Variants in FGF7 observed in about 807,000 individuals in gnomAD.
FGF7 encodes FGF-7.
A neutral mutation model predicts 20.5 loss-of-function variants in FGF7; 6 were observed. The observed-to-expected ratio is 0.29, with a 90% CI of 0.16 to 0.58. The LOEUF is 0.58. Among genes scored for constraint, FGF7 ranks in the 20% least tolerant of loss-of-function variants. The pLI, the probability that FGF7 is intolerant of heterozygous loss-of-function variation, is 0.90. For synonymous variants in FGF7, 64 were observed against 74.7 expected (o/e 0.86, Z 0.74); for missense variants, 144 against 228.8 (o/e 0.63, Z 2.39).
intron 3 of FGF7, 22 bp downstream of exon 3, chr15:49,483,276 G>A: frequency 8.0e-7 from 1 of 1,247,170 alleles, no homozygotes; most frequent in Non-Finnish European, 1.2e-6. Context: ...TGATAGCTTA[G>A]GCTTAATTTT....
At position 49,485,205 on chromosome 15, in the gene FGF7, G is replaced by T. The variant is rs2056305216; in HGVS notation, c.*701G>T. The T allele has an allele frequency of 6.6e-6, 1 of 152,246 alleles. No homozygotes were observed. The highest frequency in any genetic ancestry group is 2.4e-5 in the African/African-American group (1 of 41,354). The allele number at this position is 152,246 out of a possible 1,614,324, so 9.4% of individuals were successfully genotyped here. A position where few individuals can be genotyped will look rare whatever the true frequency, so the allele number is the denominator to read the frequency against. The stretch of plus-strand genomic sequence containing the variant: ...ATGTTTCCAAAAATCTTGTATATAA[G>T]ATAGCAACAGTGATTGATGATAATA... On this transcript the variant is annotated 3_prime_UTR_variant, in exon 4 of 4. Coordinates refer to ENST00000267843, the MANE Select transcript of FGF7 (RefSeq NM_002009.4).
At chr15:49,450,771 G>A (rs1473292985) in intron 2 of FGF7, among the ~76,000 whole-genome samples, 1 of 152,002 alleles carries the variant, frequency 6.6e-6, no homozygotes, top group Non-Finnish European at 1.5e-5. Context: ...TGTTATGATA[G>A]TTCATTTAAA....
At chr15:49,461,079 C>T (rs375372878) in intron 2 of FGF7, among the ~76,000 whole-genome samples, 320 of 152,182 alleles carry the variant, frequency 2.1e-3, no homozygotes, top group South Asian at 6.9e-3. Flanking sequence ...TAGTCTATTT[C>T]CTTCTAGTAT....
rs186047247 is a variant in FGF7 at position 49,473,370 on chromosome 15, T to A, written c.287-9781T>A. Among the ~76,000 whole-genome samples, 1,497 of 152,258 alleles carry A rather than the reference T, an allele frequency of 9.8e-3. 27 individuals are homozygous for A. Among genetic ancestry groups the A allele is most frequent in the African/African-American group, 0.034 (1,418 of 41,566 alleles). ...AAAGTATAAAGAACATTGAGTTAAA[T>A]ATAAGTTATTAGAAGCATAAAATAA... On this transcript the variant is annotated intron_variant, in intron 2 of 3. Coordinates refer to ENST00000267843, the MANE Select transcript of FGF7 (RefSeq NM_002009.4).
At chr15:49,428,020 A>G (rs1351767232) in intron 2 of FGF7, among the ~76,000 whole-genome samples, 1 of 152,036 alleles carries the variant, frequency 6.6e-6, no homozygotes, top group African/African-American at 2.4e-5. Context: ...GAATGAATAT[A>G]TTACAGAAAG....
At chr15:49,445,982 A>T (rs2052166544) in intron 2 of FGF7, among the ~76,000 whole-genome samples, 1 of 151,552 alleles carries the variant, frequency 6.6e-6, no homozygotes, top group Admixed American at 6.6e-5. Flanking sequence ...ATTTTATATA[A>T]ATTCATGAAT....
chr15:49,485,187 C>T lies in FGF7; in HGVS notation c.*683C>T, dbSNP rs2056303764. 1 of 152,152 alleles carries T rather than the reference C, an allele frequency of 6.6e-6. No individual in the cohort carries two copies. Among genetic ancestry groups the T allele is most frequent in the Non-Finnish European group, 1.5e-5 (1 of 67,840 alleles). The allele number at this position is 152,152 out of a possible 1,614,324, so 9.4% of individuals were successfully genotyped here. A position where few individuals can be genotyped will look rare whatever the true frequency, so the allele number is the denominator to read the frequency against. ...AAGGGTATTGCTAAAAGGATGTTTC[C>T]AAAAATCTTGTATATAAGATAGCAA... On this transcript the variant is annotated 3_prime_UTR_variant, in exon 4 of 4. Coordinates refer to ENST00000267843, the MANE Select transcript of FGF7 (RefSeq NM_002009.4).
chr15:49,457,243 C>T (rs544730035), intron 2 of FGF7, among the ~76,000 whole-genome samples: 6 of 151,886 alleles, frequency 4.0e-5, no homozygotes, highest in South Asian at 2.1e-4. Flanking sequence ...GAGAAGAGTT[C>T]GTTTAATACT....
chr15:49,424,289 T>G lies in FGF7; in HGVS notation c.-9T>G, dbSNP rs374130440. 1.9e-4 allele frequency: 310 copies of G among 1,610,436 alleles called. No individual in the cohort carries two copies. The highest frequency in any genetic ancestry group is 2.5e-4 in the Non-Finnish European group (300 of 1,177,596). ...TGTTATTCATGAACACCCGGAGCAC[T>G]ACACTATAATGCACAAATGGATACT... On this transcript the variant is annotated 5_prime_UTR_variant, in exon 2 of 4. Coordinates refer to ENST00000267843, the MANE Select transcript of FGF7 (RefSeq NM_002009.4).
At chr15:49,468,609 A>G (rs2054472710) in intron 2 of FGF7, among the ~76,000 whole-genome samples, 2 of 152,164 alleles carry the variant, frequency 1.3e-5, no homozygotes, top group Non-Finnish European at 2.9e-5. Flanking sequence ...AAAAACCTGG[A>G]AGCAGGTTCT....
chr15:49,451,744 A>T (rs1407236021), intron 2 of FGF7, among the ~76,000 whole-genome samples: 3 of 152,104 alleles, frequency 2.0e-5, no homozygotes, highest in African/African-American at 7.2e-5. Context: ...GGGGATTAAT[A>T]CTCCTAAATT....
chr15:49,433,162 ATTAT>A (rs1160595426), intron 2 of FGF7, among the ~76,000 whole-genome samples: 3 of 151,394 alleles, frequency 2.0e-5, no homozygotes, highest in Non-Finnish European at 4.4e-5. Flanking sequence ...AAAGAAATCA[ATTAT>A]TTGAGATTTT....
chr15:49,461,788 G>A (rs2053821105), intron 2 of FGF7, among the ~76,000 whole-genome samples: 1 of 152,104 alleles, frequency 6.6e-6, no homozygotes, highest in Non-Finnish European at 1.5e-5. Context: ...TGCTAATTAT[G>A]GTACTGATTT....
intron 2 of FGF7, among the ~76,000 whole-genome samples, chr15:49,439,984 C>T (rs779784777): frequency 3.3e-5 from 5 of 151,648 alleles, no homozygotes; most frequent in Non-Finnish European, 5.9e-5. Context: ...GGATTCAAAG[C>T]GTTTATCACA....
intron 3 of FGF7, 31 bp from the exon 4 acceptor site, chr15:49,484,279 A>G: frequency 6.6e-7 from 1 of 1,508,648 alleles, no homozygotes; most frequent in South Asian, 1.2e-5. Flanking sequence ...AATCATTTGG[A>G]TAATGTCTGT....
chr15:49,424,639 T>C, intron 2 of FGF7, 56 bp downstream of exon 2: 1 of 1,343,798 alleles, frequency 7.4e-7, no homozygotes. Flanking sequence ...TGGATCAATT[T>C]TCAGGTGATA....
At chr15:49,438,708 T>C (rs1280640040) in intron 2 of FGF7, among the ~76,000 whole-genome samples, 2 of 151,670 alleles carry the variant, frequency 1.3e-5, no homozygotes, top group East Asian at 1.9e-4. Flanking sequence ...CTTGGGCAAA[T>C]AGTTGACTCT....
chr15:49,463,479 A>G (rs955518634), intron 2 of FGF7, among the ~76,000 whole-genome samples: 8 of 151,246 alleles, frequency 5.3e-5, no homozygotes, highest in African/African-American at 1.9e-4. Context: ...GGAACCCGGA[A>G]GGCAGAGGTT....
chr15:49,471,321 C>T (rs1035701472), intron 2 of FGF7, among the ~76,000 whole-genome samples: 2 of 151,694 alleles, frequency 1.3e-5, no homozygotes, highest in African/African-American at 4.8e-5. Flanking sequence ...CCCTCCTCTA[C>T]TAAAAATACA....
Sources: allele counts gnomAD v4.1 joint callset (sites outside exome capture counted in the v4.1 genomes callset), GRCh38; gene constraint gnomAD v4.1.1; transcripts MANE v1.5; gene names NCBI Gene and HGNC (gene_info 2026-07-23, HGNC 2026-07-21).